KLHDC10: variants seen among roughly 807,000 people sequenced by gnomAD.
KLHDC10 encodes the protein kelch domain containing 10, also known as kelch domain-containing protein 10.
A neutral mutation model predicts 56.1 loss-of-function variants in KLHDC10; 24 were observed. The ratio of observed to expected loss-of-function variants is 0.43; its 90% confidence interval spans 0.31 to 0.60. KLHDC10 has a LOEUF of 0.60. Ranked by LOEUF, KLHDC10 falls within the 20% of genes least tolerant of loss-of-function variation. KLHDC10 has a pLI of 0.11. For missense variants in KLHDC10, 349 were observed against 567.0 expected (o/e 0.62, Z 3.91); for synonymous variants, 188 against 207.1 (o/e 0.91, Z 0.79).
intron 1 of KLHDC10, among the ~76,000 whole-genome samples, chr7:130,082,869 A>G (rs1795627395): frequency 6.6e-6 from 1 of 152,194 alleles, no homozygotes; most frequent in Admixed American, 6.5e-5. Flanking sequence ...GACCCTAGAA[A>G]TACATAATTA....
chr7:130,125,515 C>G (rs903940374), intron 6 of KLHDC10, among the ~76,000 whole-genome samples: 1 of 150,736 alleles, frequency 6.6e-6, no homozygotes, highest in African/African-American at 2.5e-5. Flanking sequence ...TACACTCCAG[C>G]CTGGGTGACA....
At position 130,124,532 on chromosome 7, in the gene KLHDC10, C is replaced by T. The variant is rs1379664218; in HGVS notation, c.861C>T (p.Asn287=). 2 of 1,535,242 alleles carry T rather than the reference C, an allele frequency of 1.3e-6. No individual in the cohort carries two copies. The highest frequency in any genetic ancestry group is 1.7e-5 in the Admixed American group (1 of 59,450). ...GGTSWTAYSL[N]KIHAYNLETN... ...CTTCCTGGACAGCATATTCCTTAAA[C>T]AAGGTATATTTTTTTAAAAAGAAAA... The change falls in exon 6 of 10, where the codon AAC becomes AAT. Residue 287 remains asparagine, a synonymous_variant. Coordinates refer to ENST00000335420, the MANE Select transcript of KLHDC10 (RefSeq NM_014997.4).
In KLHDC10 at chr7:130,070,740, G is replaced by T; in HGVS notation, c.97G>T (p.Gly33Cys). ...TAGCGGGGCCGGCGGGGGCAGTGGG[G>T]GCAGCGGGGGTCGGGGGACTGGCCA... ...GGSGAGGGSG[G>C]SGGRGTGQLN... The change falls in exon 1 of 10, where the codon GGC becomes TGC. Residue 33 changes from glycine to cysteine, a missense_variant. This residue lies in a region of KLHDC10 where 104 missense variants were observed against 97.0 expected (regional missense o/e 1.07). Coordinates refer to ENST00000335420, the MANE Select transcript of KLHDC10 (RefSeq NM_014997.4). 1.6e-6 allele frequency: 2 copies of T among 1,289,124 alleles called. No individual in the cohort carries two copies. The allele number at this position is 1,289,124 out of a possible 1,614,324, so 79.9% of individuals were successfully genotyped here. A position where few individuals can be genotyped will look rare whatever the true frequency, so the allele number is the denominator to read the frequency against.
intron 6 of KLHDC10, among the ~76,000 whole-genome samples, chr7:130,125,133 A>T (rs376629151): frequency 6.6e-6 from 1 of 152,368 alleles, no homozygotes; most frequent in African/African-American, 2.4e-5. Context: ...TATAAAAATG[A>T]TACATGCCCC....
chr7:130,124,668 GT>G, intron 6 of KLHDC10, 133 bp downstream of exon 6: 1 of 569,018 alleles, frequency 1.8e-6, no homozygotes. Flanking sequence ...CCTATTTTGT[GT>G]TGGATGCACT....
chr7:130,086,989 T>C (rs1471760956), intron 1 of KLHDC10, among the ~76,000 whole-genome samples: 1 of 152,226 alleles, frequency 6.6e-6, no homozygotes. Context: ...AACATTTACT[T>C]ATAACCCAGT....
chr7:130,133,479 AC>A lies in KLHDC10; in HGVS notation c.*2734del, dbSNP rs1796427936. 6.6e-6 allele frequency: 1 copy of A among 152,234 alleles called. No homozygotes were observed. 9.4% of individuals were successfully genotyped at this position (152,234 alleles called of 1,614,324 possible). On this transcript the variant is annotated 3_prime_UTR_variant, in exon 10 of 10. Transcript: ENST00000335420. ...TGCATCTTGGGGAAGTGAGCTCATT[AC>A]TTTAGGTTCAAATTATGCCAAGAAT... is the stretch of plus-strand genomic sequence containing the variant.
chr7:130,093,679 A>G (rs1176939518), intron 1 of KLHDC10, among the ~76,000 whole-genome samples: 1 of 152,174 alleles, frequency 6.6e-6, no homozygotes, highest in African/African-American at 2.4e-5. Flanking sequence ...TAAGAAGTAC[A>G]TTTGTGTTGG....
Position 130,130,107 on chromosome 7 carries a change from G to A in KLHDC10, c.1120-430G>A, listed in dbSNP as rs1796376874. Among the ~76,000 whole-genome samples, 1 of 151,968 alleles carries A rather than the reference G, an allele frequency of 6.6e-6. No homozygotes were observed. Among genetic ancestry groups the A allele is most frequent in the Admixed American group, 6.6e-5 (1 of 15,260 alleles). On this transcript the variant is annotated intron_variant, in intron 9 of 9. Transcript: ENST00000335420. The surrounding 1 kb of genome is among the most constrained non-coding windows in gnomAD (Gnocchi z 4.2). Reference sequence around the variant, plus strand: ...CAAGGTGGGCGGATCACGAGGTCAGGAGATTGAGACCATCCTGGCTAACAC... The same window carrying A: ...CAAGGTGGGCGGATCACGAGGTCAGAAGATTGAGACCATCCTGGCTAACAC...
Position 130,133,134 on chromosome 7 carries a change from A to G in KLHDC10, c.*2388A>G, listed in dbSNP as rs146882438. The G allele has an allele frequency of 6.6e-6, 1 of 152,378 alleles. No individual in the cohort carries two copies. Among genetic ancestry groups the G allele is most frequent in the African/African-American group, 2.4e-5 (1 of 41,598 alleles). 9.4% of individuals were successfully genotyped at this position (152,378 alleles called of 1,614,324 possible). A position where few individuals can be genotyped will look rare whatever the true frequency, so the allele number is the denominator to read the frequency against. On this transcript the variant is annotated 3_prime_UTR_variant, in exon 10 of 10. Coordinates refer to ENST00000335420, the MANE Select transcript of KLHDC10 (RefSeq NM_014997.4). The stretch of plus-strand genomic sequence containing the variant: ...ACACTAGTAAAAATGACATGGTATG[A>G]CCAGCACTGAGTGCTATAGAACCAC...
intron 2 of KLHDC10, among the ~76,000 whole-genome samples, chr7:130,101,829 G>A (rs1226061038): frequency 2.0e-5 from 3 of 151,962 alleles, no homozygotes; most frequent in Non-Finnish European, 4.4e-5. Flanking sequence ...AATTAGCCGG[G>A]CGTGGTAGCA....
At chr7:130,121,391 C>G (rs1348172168) in intron 4 of KLHDC10, among the ~76,000 whole-genome samples, 1 of 152,162 alleles carries the variant, frequency 6.6e-6, no homozygotes, top group Non-Finnish European at 1.5e-5. Context: ...AAAGTTATAT[C>G]CAGAAAGATA....
intron 5 of KLHDC10, among the ~76,000 whole-genome samples, chr7:130,122,823 C>T (rs1381348998): frequency 6.6e-6 from 1 of 152,180 alleles, no homozygotes; most frequent in Non-Finnish European, 1.5e-5. Flanking sequence ...GTTGGGATTA[C>T]AGGTGTGAGC....
intron 8 of KLHDC10, among the ~76,000 whole-genome samples, chr7:130,128,019 C>T (rs994973052): frequency 2.0e-5 from 3 of 152,176 alleles, no homozygotes; most frequent in South Asian, 2.1e-4. Context: ...CTTATTTCAT[C>T]GTCTGATATA....
At chr7:130,105,319 A>C (rs913844825) in intron 2 of KLHDC10, among the ~76,000 whole-genome samples, 6 of 152,226 alleles carry the variant, frequency 3.9e-5, no homozygotes, top group African/African-American at 1.4e-4. Flanking sequence ...TTGTAGCAAC[A>C]TTAAGAACCA....
At chr7:130,121,481 G>A (rs761933409) in intron 4 of KLHDC10, among the ~76,000 whole-genome samples, 2 of 152,154 alleles carry the variant, frequency 1.3e-5, no homozygotes, top group African/African-American at 4.8e-5. Flanking sequence ...TTCTTGACTC[G>A]CTGGCATTAG....
intron 2 of KLHDC10, among the ~76,000 whole-genome samples, chr7:130,097,945 CA>C (rs1795871747): frequency 6.6e-6 from 1 of 151,794 alleles, no homozygotes; most frequent in South Asian, 2.1e-4. Context: ...AACAAATTAT[CA>C]CACAAGCATA....
intron 1 of KLHDC10, among the ~76,000 whole-genome samples, chr7:130,072,515 C>T (rs969601043): frequency 2.6e-5 from 4 of 152,208 alleles, no homozygotes; most frequent in African/African-American, 9.7e-5. Context: ...TTTCTCTTGA[C>T]TGACACTTCA....
chr7:130,079,164 T>A (rs980904440), intron 1 of KLHDC10, among the ~76,000 whole-genome samples: 11 of 151,976 alleles, frequency 7.2e-5, no homozygotes, highest in South Asian at 4.2e-4. Context: ...TTCAAGTGAT[T>A]CTCCTGGCTC....
Sources: gnomAD v4.1 joint callset for allele counts (sites outside exome capture counted in the v4.1 genomes callset) on GRCh38, gnomAD v4.1.1 for gene constraint, gnomAD v4.1.1 regional missense constraint, Gnocchi (gnomAD v3.1) non-coding constraint, MANE v1.5 for transcripts, NCBI Gene and HGNC (gene_info 2026-07-23, HGNC 2026-07-21) for gene names.